Variants in WDR49 observed in about 807,000 individuals in gnomAD.
WDR49 encodes the protein WD repeat domain 49.
Under a neutral mutation model 119.5 loss-of-function variants are expected in WDR49, and 107 were observed. The ratio of observed to expected loss-of-function variants is 0.90; its 90% CI spans 0.77 to 1.05. The LOEUF is 1.05. Among genes scored for constraint, WDR49 ranks in the 50% least tolerant of loss-of-function variants. The pLI is 0.00. For synonymous variants in WDR49, 425 were observed against 418.8 expected, an observed-to-expected ratio of 1.01 and a Z score of -0.18; for missense variants, 1,240 against 1,220.5, an observed-to-expected ratio of 1.02 and a Z score of -0.24.
intron 7 of WDR49, among the ~76,000 whole-genome samples, chr3:167,601,011 A>G (rs1472917349): frequency 2.0e-5 from 3 of 152,214 alleles, no homozygotes; most frequent in African/African-American, 4.8e-5. Context: ...TCTGCAAGCT[A>G]CTTGCAAATT....
chr3:167,604,761 A>G (rs944042857), intron 5 of WDR49, among the ~76,000 whole-genome samples: 18 of 152,094 alleles, frequency 1.2e-4, no homozygotes, highest in Non-Finnish European at 2.4e-4. Context: ...AATGGTATGA[A>G]TGCCCTTATA....
chr3:167,550,987 A>T (rs1270244524), intron 10 of WDR49, among the ~76,000 whole-genome samples: 1 of 151,974 alleles, frequency 6.6e-6, no homozygotes, highest in Non-Finnish European at 1.5e-5. Context: ...GTATTTGTGA[A>T]TTGACTCTAT....
chr3:167,500,200 G>A lies in WDR49; in HGVS notation c.2984C>T (p.Pro995Leu). The change falls in exon 18 of 19, where the codon CCA becomes CTA. Residue 995 changes from proline to leucine, a missense_variant. Pro to Leu is a moderately conservative substitution (Grantham distance 98). Coordinates refer to ENST00000682715, the MANE Select transcript of WDR49 (RefSeq NM_001366157.1). ...LDPEKYFRKEPEEERPQILEA... is the reference protein window; with the variant it reads ...LDPEKYFRKELEEERPQILEA... ...CAGAATTTGGGGACGCTCTTCCTCT[G>A]GTTCTTTCCTAAAGTATTTCTCAGG... 6.3e-7 allele frequency: 1 copy of A among 1,590,406 alleles called. No homozygotes were observed. Among genetic ancestry groups the A allele is most frequent in the Non-Finnish European group, 8.5e-7 (1 of 1,173,430 alleles).
Position 167,565,207 on chromosome 3 carries a change from C to T in WDR49, c.1510-4979G>A, listed in dbSNP as rs185028696. ...TGCTTAGTGGATTTTTTCTCTTCTT[C>T]AATTAATTGGTAATTTGCTCTTTCA... is the stretch of plus-strand genomic sequence containing the variant. On this transcript the variant is annotated intron_variant, in intron 8 of 18. Transcript: ENST00000682715. Among the ~76,000 whole-genome samples the T allele has an allele frequency of 4.6e-5, 7 of 152,026 alleles. No homozygotes were observed. The East Asian group carries it at 7.7e-4, about 17-fold the overall frequency.
chr3:167,584,130 A>G (rs971264688), intron 7 of WDR49, among the ~76,000 whole-genome samples: 5 of 152,190 alleles, frequency 3.3e-5, no homozygotes, highest in Admixed American at 1.3e-4. Flanking sequence ...CCTTTTAGAA[A>G]AAAAGTTAGT....
chr3:167,644,893 AGAGT>A (rs1426338976), intron 2 of WDR49, among the ~76,000 whole-genome samples: 5 of 152,152 alleles, frequency 3.3e-5, no homozygotes. Context: ...CTTTCTGATT[AGAGT>A]ATCAAATCAA....
chr3:167,523,691 C>T (rs1318929834), intron 15 of WDR49, among the ~76,000 whole-genome samples: 2 of 152,074 alleles, frequency 1.3e-5, no homozygotes, highest in East Asian at 3.9e-4. Flanking sequence ...ATGATGGTTT[C>T]CAGCTTCATC....
chr3:167,560,167 A>AT lies in WDR49; in HGVS notation c.1570dup (p.Ile524AsnfsTer19), dbSNP rs757375021. On this transcript the variant is annotated frameshift_variant, in exon 9 of 19. Transcript: ENST00000682715. LOFTEE classifies it high-confidence loss of function. ...GCCGTGGCAACCAGTAAACTGTTTG[A>AT]TTTTCTGCCCAGTGTCTATCATCCA... 2 of 1,614,112 alleles carry AT rather than the reference A, an allele frequency of 1.2e-6. No homozygotes were observed. Among genetic ancestry groups the AT allele is most frequent in the Non-Finnish European group, 1.7e-6 (2 of 1,180,002 alleles).
At chr3:167,519,026 G>T (rs1342777214) in intron 16 of WDR49, among the ~76,000 whole-genome samples, 1 of 151,750 alleles carries the variant, frequency 6.6e-6, no homozygotes, top group Admixed American at 6.6e-5. Flanking sequence ...ATGAAAAAAG[G>T]CTCAACATCA....
At chr3:167,592,985 A>G (rs1295653968) in intron 7 of WDR49, among the ~76,000 whole-genome samples, 8 of 152,060 alleles carry the variant, frequency 5.3e-5, no homozygotes, top group African/African-American at 1.9e-4. Flanking sequence ...TTGAAGCTCT[A>G]TTTTATGTTA....
chr3:167,493,226 C>A (rs1373100272), intron 18 of WDR49, among the ~76,000 whole-genome samples: 1 of 152,146 alleles, frequency 6.6e-6, no homozygotes, highest in Non-Finnish European at 1.5e-5. Flanking sequence ...TTTTCCAACA[C>A]CAGACTCCTG....
At chr3:167,552,862 C>T (rs1339499654) in intron 10 of WDR49, among the ~76,000 whole-genome samples, 4 of 152,052 alleles carry the variant, frequency 2.6e-5, no homozygotes, top group Non-Finnish European at 5.9e-5. Flanking sequence ...ACATAATTAT[C>T]GAACCAATCT....
rs1751955147 is a variant in WDR49, at chr3:167,511,136, G to A, written c.2775-5720C>T. ...TTGTGTTTGTATAATTTCTGCAAAG[G>A]ATTCCTGATCATATTCCTGGGAGAA... On this transcript the variant is annotated intron_variant, in intron 16 of 18. Transcript: ENST00000682715. 2.0e-5 allele frequency among the ~76,000 whole-genome samples: 3 copies of A among 152,080 alleles called. No individual in the cohort carries two copies. The South Asian group carries it at 6.2e-4, about 32-fold the overall frequency.
chr3:167,493,493 C>T (rs1355681716), intron 18 of WDR49, among the ~76,000 whole-genome samples: 1 of 152,126 alleles, frequency 6.6e-6, no homozygotes, highest in Non-Finnish European at 1.5e-5. Context: ...CTTCCACGTA[C>T]AGCATCTCCG....
At chr3:167,522,899 A>G (rs1752506694) in intron 15 of WDR49, among the ~76,000 whole-genome samples, 1 of 152,210 alleles carries the variant, frequency 6.6e-6, no homozygotes, top group Admixed American at 6.6e-5. Context: ...TTCAAAAGCC[A>G]ATTCAGTTAT....
chr3:167,646,791 C>T (rs1718148971), intron 2 of WDR49, among the ~76,000 whole-genome samples: 2 of 152,106 alleles, frequency 1.3e-5, no homozygotes, highest in South Asian at 4.2e-4. Context: ...AACATAATGT[C>T]TCTGGTAATG....
chr3:167,597,862 A>G (rs1715563225), intron 7 of WDR49, among the ~76,000 whole-genome samples: 1 of 152,214 alleles, frequency 6.6e-6, no homozygotes, highest in Non-Finnish European at 1.5e-5. Context: ...TATCTTGGAA[A>G]TAACTAAATT....
chr3:167,522,385 C>T lies in WDR49; in HGVS notation c.2704G>A (p.Glu902Lys), dbSNP rs897657801. The T allele has an allele frequency of 1.9e-6, 3 of 1,610,730 alleles. No individual in the cohort carries two copies. Among genetic ancestry groups the T allele is most frequent in the Admixed American group, 1.7e-5 (1 of 59,322 alleles). ...TCTGTTGGGTCTAAACAAGATTCCT[C>T]CTTAGAAAATAAAGAAATTTCCTTT... ...IQKEISLFSK[E>K]ESCLDPTEHS... The change falls in exon 16 of 19, where the codon GAG (glutamate) becomes AAG (lysine). Residue 902 changes from glutamate (E) to lysine (K), a missense_variant. Physicochemically the swap from Glu to Lys is moderately conservative, Grantham distance 56. Coordinates refer to ENST00000682715, the MANE Select transcript of WDR49 (RefSeq NM_001366157.1).
intron 18 of WDR49, among the ~76,000 whole-genome samples, chr3:167,483,375 G>A (rs764200803): frequency 4.6e-5 from 7 of 152,084 alleles, no homozygotes; most frequent in Non-Finnish European, 8.8e-5. Context: ...TCAACTAGAC[G>A]ACAAATTTTC....
Sources: gnomAD v4.1 joint callset for allele counts (sites outside exome capture counted in the v4.1 genomes callset) on GRCh38, gnomAD v4.1.1 for gene constraint, MANE v1.5 for transcripts, NCBI Gene and HGNC (gene_info 2026-07-23, HGNC 2026-07-21) for gene names.